Variants in SUPT3H observed in about 807,000 individuals in gnomAD.
SUPT3H encodes SPT3 homolog, SAGA and STAGA complex component.
In SUPT3H, 44 loss-of-function variants were observed where a neutral mutation model predicts 44.3. The ratio of observed to expected loss-of-function variants is 0.99; its 90% CI spans 0.78 to 1.28. SUPT3H has a LOEUF of 1.28. Among genes scored for constraint, SUPT3H ranks in the 50% most tolerant of loss-of-function variants. SUPT3H has a pLI of 0.00. For missense variants in SUPT3H, 380 were observed against 387.1 expected, an observed-to-expected ratio of 0.98 and a Z score of 0.15; for synonymous variants, 124 against 125.6, an observed-to-expected ratio of 0.99 and a Z score of 0.09.
chr6:44,996,982 A>G (rs144298329), intron 6 of SUPT3H, among the ~76,000 whole-genome samples: 1 of 151,800 alleles, frequency 6.6e-6, no homozygotes, highest in African/African-American at 2.4e-5. Context: ...TATTCTCTTC[A>G]CAGGAGTGCC....
chr6:45,222,552 T>C (rs1253006432), intron 2 of SUPT3H, among the ~76,000 whole-genome samples: 1 of 152,084 alleles, frequency 6.6e-6, no homozygotes, highest in Non-Finnish European at 1.5e-5. Flanking sequence ...CAAAGACTGA[T>C]AAGAATATGG....
At chr6:44,810,012 T>C (rs1386091253) in intron 11 of SUPT3H, among the ~76,000 whole-genome samples, 6 of 152,174 alleles carry the variant, frequency 3.9e-5, no homozygotes, top group Non-Finnish European at 7.3e-5. Context: ...GCCAAATGTA[T>C]TGTTGGTGTA....
intron 2 of SUPT3H, among the ~76,000 whole-genome samples, chr6:45,250,461 T>G (rs1303832309): frequency 6.6e-6 from 1 of 151,788 alleles, no homozygotes; most frequent in African/African-American, 2.4e-5. Flanking sequence ...GTTAAAATTT[T>G]CCAGATAAAG....
intron 8 of SUPT3H, among the ~76,000 whole-genome samples, chr6:44,953,671 A>C (rs1346216350): frequency 1.3e-5 from 2 of 152,182 alleles, no homozygotes; most frequent in African/African-American, 4.8e-5. Flanking sequence ...CTTTAAGTCC[A>C]GAGATTCTAA....
intron 2 of SUPT3H, among the ~76,000 whole-genome samples, chr6:45,333,420 G>A (rs1395571796): frequency 6.6e-6 from 1 of 151,394 alleles, no homozygotes. Context: ...ACTGTATACA[G>A]TATCTTCACT....
intron 2 of SUPT3H, among the ~76,000 whole-genome samples, chr6:45,355,863 T>A (rs1446922207): frequency 2.0e-5 from 3 of 152,282 alleles, no homozygotes; most frequent in African/African-American, 7.2e-5. Flanking sequence ...TTTTGTTGAA[T>A]AAATAAATAT....
Position 45,110,922 on chromosome 6 carries a change from A to ATG in SUPT3H, c.102-4918_102-4917dup, listed in dbSNP as rs578075721. Among the ~76,000 whole-genome samples, 61 of 152,268 alleles carry ATG rather than the reference A, an allele frequency of 4.0e-4. 1 individual carries two copies. The highest frequency in any genetic ancestry group is 8.2e-4 in the Non-Finnish European group (56 of 68,024). On this transcript the variant is annotated intron_variant, in intron 2 of 10. Transcript: ENST00000371459. ...GAAAGTATATGTAATGTGTGTACAT[A>ATG]TGTGTGTGTGTATTTCTTTTCAAGT...
At chr6:44,884,172 C>G (rs1406075619) in intron 10 of SUPT3H, among the ~76,000 whole-genome samples, 3 of 152,102 alleles carry the variant, frequency 2.0e-5, no homozygotes, top group Non-Finnish European at 4.4e-5. Context: ...AAGAAAAAAG[C>G]AACACCATCA....
intron 3 of SUPT3H, among the ~76,000 whole-genome samples, chr6:45,030,732 T>G (rs1786787206): frequency 6.6e-6 from 1 of 152,216 alleles, no homozygotes; most frequent in Admixed American, 6.5e-5. Flanking sequence ...GGAAAGTTGA[T>G]ATCTAATTTT....
At chr6:44,971,446 A>G (rs1486750304) in intron 6 of SUPT3H, among the ~76,000 whole-genome samples, 1 of 152,164 alleles carries the variant, frequency 6.6e-6, no homozygotes, top group Non-Finnish European at 1.5e-5. Flanking sequence ...CAGAAGGGGA[A>G]GCAAACACAT....
At chr6:45,169,117 C>T (rs1810383011) in intron 2 of SUPT3H, among the ~76,000 whole-genome samples, 1 of 152,114 alleles carries the variant, frequency 6.6e-6, no homozygotes, top group Non-Finnish European at 1.5e-5. Context: ...TTCTTTATAA[C>T]TACAAAAACA....
intron 3 of SUPT3H, among the ~76,000 whole-genome samples, chr6:45,083,667 G>A (rs1160180903): frequency 1.3e-5 from 2 of 151,082 alleles, no homozygotes; most frequent in South Asian, 2.1e-4. Context: ...TGAACAGTCA[G>A]AGGCATCATA....
intron 10 of SUPT3H, among the ~76,000 whole-genome samples, chr6:44,900,998 C>T (rs181300414): frequency 3.9e-5 from 6 of 152,224 alleles, no homozygotes; most frequent in African/African-American, 1.2e-4. Flanking sequence ...ACAGAAGGAA[C>T]ATCCACACCA....
At chr6:44,960,326 T>C (rs1775828979) in intron 7 of SUPT3H, among the ~76,000 whole-genome samples, 1 of 147,872 alleles carries the variant, frequency 6.8e-6, no homozygotes, top group South Asian at 2.1e-4. Flanking sequence ...GAGAATCACT[T>C]GAACCCAGGA....
intron 10 of SUPT3H, among the ~76,000 whole-genome samples, chr6:44,884,626 G>C (rs1778827535): frequency 6.6e-6 from 1 of 152,142 alleles, no homozygotes; most frequent in Non-Finnish European, 1.5e-5. Flanking sequence ...AGAAAATGTG[G>C]ATCAGGAGCC....
In SUPT3H at chr6:44,906,818, C is replaced by G. The variant is rs139150745; in HGVS notation, c.912+25835G>C. Among the ~76,000 whole-genome samples the G allele has an allele frequency of 2.2e-3, 330 of 152,260 alleles. 1 individual carries two copies. Among genetic ancestry groups the G allele is most frequent in the African/African-American group, 7.6e-3 (316 of 41,548 alleles). ...CCCAGTCTGTATTGTTTTATTATCT[C>G]AAAAGTTTAAATAAGATGTTCTCCT... is the stretch of plus-strand genomic sequence containing the variant. On this transcript the variant is annotated intron_variant, in intron 10 of 10. Transcript: ENST00000371459.
rs970372296 is a variant in SUPT3H, at chr6:44,944,539, G to T, written c.801+8771C>A. Among the ~76,000 whole-genome samples the T allele has an allele frequency of 1.3e-5, 2 of 151,636 alleles. 1 individual carries two copies. Among genetic ancestry groups the T allele is most frequent in the South Asian group, 4.2e-4 (2 of 4,804 alleles). On this transcript the variant is annotated intron_variant, in intron 9 of 10. Coordinates refer to ENST00000371459, the MANE Select transcript of SUPT3H (RefSeq NM_003599.4). ...TTTGGGAGGCTGAGGTGGGTGGACC[G>T]CTTGAGCCCAGGAGTTTGAGAATAG...
intron 9 of SUPT3H, among the ~76,000 whole-genome samples, chr6:44,949,604 T>G (rs1582695743): frequency 1.1e-5 from 1 of 95,124 alleles, no homozygotes. Context: ...GTCAGCCCCT[T>G]TGCCTGCAAA....
chr6:44,945,402 T>C (rs1773179064), intron 9 of SUPT3H, among the ~76,000 whole-genome samples: 1 of 152,164 alleles, frequency 6.6e-6, no homozygotes, highest in Non-Finnish European at 1.5e-5. Flanking sequence ...GAAGGAGGCA[T>C]GTTGACAGCC....
Sources: allele counts gnomAD v4.1 joint callset (sites outside exome capture counted in the v4.1 genomes callset), GRCh38; gene constraint gnomAD v4.1.1; transcripts MANE v1.5; gene names NCBI Gene and HGNC (gene_info 2026-07-23, HGNC 2026-07-21).